SRRM3: variants seen among roughly 807,000 people sequenced by gnomAD.
SRRM3 encodes serine/arginine repetitive matrix protein 3.
In SRRM3, 27 loss-of-function variants were observed where a neutral mutation model predicts 66.2. That is an observed-to-expected ratio of 0.41 (90% CI 0.30 to 0.56). SRRM3 has a LOEUF of 0.56. Ranked by LOEUF, SRRM3 falls within the 20% of genes least tolerant of loss-of-function variation. The probability of loss-of-function intolerance (pLI) is 0.32; values close to 1 mark genes in which losing one functional copy is unlikely to be tolerated. For missense variants in SRRM3, 918 were observed against 991.9 expected, an observed-to-expected ratio of 0.93 and a Z score of 1.00; for synonymous variants, 391 against 414.9, an observed-to-expected ratio of 0.94 and a Z score of 0.70.
chr7:76,282,746 G>A lies in SRRM3; in HGVS notation c.1469G>A (p.Arg490His). The A allele has an allele frequency of 1.4e-6, 2 of 1,460,230 alleles. No individual in the cohort carries two copies. The highest frequency in any genetic ancestry group is 1.8e-6 in the Non-Finnish European group (2 of 1,111,970). The allele number at this position is 1,460,230 out of a possible 1,614,324, so 90.5% of individuals were successfully genotyped here. The change falls in exon 13 of 15, where the codon CGC (arginine) becomes CAC (histidine). Residue 490 changes from arginine (R) to histidine (H), a missense_variant. Arg to His is a conservative substitution (Grantham distance 29). Transcript: ENST00000611745. Reference protein sequence around the residue: ...RGGPEGKSSSRSPGPHPRSWS... With the variant: ...RGGPEGKSSSHSPGPHPRSWS... The stretch of plus-strand genomic sequence containing the variant: ...GGCCCAGAAGGGAAGAGCTCGTCGC[G>A]CAGCCCCGGCCCGCACCCCCGCTCC...
intron 11 of SRRM3, among the ~76,000 whole-genome samples, chr7:76,275,497 C>CAAAAAAAAAAAAAA (rs35985626): frequency 4.2e-5 from 3 of 70,894 alleles, no homozygotes; most frequent in East Asian, 3.3e-4. Flanking sequence ...CCTGCTCCCT[C>CAAAAAAAAAAAAAA]AAAAAAAAAA....
chr7:76,283,756 C>G, intron 14 of SRRM3: 1 of 984,294 alleles, frequency 1.0e-6, no homozygotes, highest in Non-Finnish European at 1.2e-6. Context: ...AGCTGTGGGG[C>G]TGTGCCCAGG....
chr7:76,285,974 G>C lies in SRRM3; in HGVS notation c.*131G>C. The C allele has an allele frequency of 2.0e-6, 2 of 991,308 alleles. No individual in the cohort carries two copies. The allele number at this position is 991,308 out of a possible 1,614,324, so 61.4% of individuals were successfully genotyped here. A position where few individuals can be genotyped will look rare whatever the true frequency, so the allele number is the denominator to read the frequency against. On this transcript the variant is annotated 3_prime_UTR_variant, in exon 15 of 15. Transcript: ENST00000611745. This position sits in a 1 kb window ranked among gnomAD's most constrained non-coding sequence, Gnocchi z 4.1. Reference sequence around the variant, plus strand: ...CAAAGAGGTCTCAGGGCCAGTGCACGGGCAGATGGGACCGGGGAAGACTTT... The same window carrying C: ...CAAAGAGGTCTCAGGGCCAGTGCACCGGCAGATGGGACCGGGGAAGACTTT...
chr7:76,219,421 C>T (rs1442853256), intron 1 of SRRM3, among the ~76,000 whole-genome samples: 1 of 152,208 alleles, frequency 6.6e-6, no homozygotes, highest in Non-Finnish European at 1.5e-5. Context: ...GCCTCCTTGT[C>T]CCTCCTTGTC....
At chr7:76,270,815 G>GAA in intron 11 of SRRM3, among the ~76,000 whole-genome samples, 1 of 135,822 alleles carries the variant, frequency 7.4e-6, no homozygotes, top group Admixed American at 7.6e-5. Context: ...CTCCGTCTCG[G>GAA]AAAAAAAAAA....
intron 1 of SRRM3, among the ~76,000 whole-genome samples, chr7:76,233,130 G>A (rs1456638855): frequency 1.3e-5 from 2 of 152,078 alleles, no homozygotes; most frequent in African/African-American, 2.4e-5. Flanking sequence ...TAACAAGAAC[G>A]TGACTCTACA....
intron 1 of SRRM3, among the ~76,000 whole-genome samples, chr7:76,210,780 A>AGTCCTTGAGCCCCAGCAGCCCT (rs1349559161): frequency 4.0e-5 from 6 of 151,866 alleles, no homozygotes; most frequent in Middle Eastern, 3.2e-3. Context: ...GGAGCAGGAC[A>AGTCCTTGAGCCCCAGCAGCCCT]GTCCTTGAGC....
chr7:76,211,235 A>G (rs1359309912), intron 1 of SRRM3, among the ~76,000 whole-genome samples: 2 of 152,178 alleles, frequency 1.3e-5, no homozygotes, highest in Non-Finnish European at 1.5e-5. Flanking sequence ...GGCCTCACAG[A>G]TGGAGCTCGT....
At chr7:76,239,018 A>G (rs1439810828) in intron 2 of SRRM3, among the ~76,000 whole-genome samples, 1 of 151,662 alleles carries the variant, frequency 6.6e-6, no homozygotes, top group African/African-American at 2.4e-5. Flanking sequence ...CTCCATCCCT[A>G]GCTAGTCTTG....
chr7:76,261,892 C>T (rs1007019246), intron 8 of SRRM3, among the ~76,000 whole-genome samples: 5 of 151,764 alleles, frequency 3.3e-5, no homozygotes, highest in Non-Finnish European at 7.4e-5. Flanking sequence ...GCAGAAACAC[C>T]GAGACCCTGA....
intron 1 of SRRM3, among the ~76,000 whole-genome samples, chr7:76,218,391 G>A (rs1250583412): frequency 1.3e-5 from 2 of 152,124 alleles, no homozygotes; most frequent in Non-Finnish European, 2.9e-5. Context: ...CTAAGCTGAA[G>A]CTGCTTCTGT....
intron 2 of SRRM3, among the ~76,000 whole-genome samples, chr7:76,241,005 G>A (rs537395695): frequency 3.5e-4 from 53 of 151,904 alleles, no homozygotes; most frequent in African/African-American, 1.2e-3. Flanking sequence ...CAAGCGATTC[G>A]TCCTGCCTCA....
chr7:76,248,606 C>T (rs775053645), intron 3 of SRRM3, among the ~76,000 whole-genome samples: 3 of 152,154 alleles, frequency 2.0e-5, no homozygotes, highest in Non-Finnish European at 4.4e-5. Context: ...ATCGGAAGAC[C>T]TCAGATATGC....
intron 11 of SRRM3, among the ~76,000 whole-genome samples, chr7:76,276,718 G>A (rs1425857590): frequency 2.0e-5 from 3 of 152,262 alleles, no homozygotes; most frequent in Non-Finnish European, 2.9e-5. Context: ...AGCTGAGGAC[G>A]AGGCTCAGAC....
At chr7:76,229,293 G>A (rs77297600) in intron 1 of SRRM3, among the ~76,000 whole-genome samples, 9,336 of 151,986 alleles carry the variant, frequency 0.061, 669 homozygotes, top group African/African-American at 0.17. Context: ...GATAAACAAC[G>A]GATAATTTCT....
chr7:76,284,191 T>A (rs1316870396), intron 14 of SRRM3, among the ~76,000 whole-genome samples: 21 of 150,330 alleles, frequency 1.4e-4, no homozygotes, highest in Non-Finnish European at 2.8e-4. Flanking sequence ...TTTTTTTTTT[T>A]AAGACGGAGC....
intron 1 of SRRM3, among the ~76,000 whole-genome samples, chr7:76,219,607 C>T (rs782610935): frequency 7.9e-5 from 12 of 152,168 alleles, no homozygotes; most frequent in Non-Finnish European, 1.5e-4. Flanking sequence ...TCCTTCCTAT[C>T]TATTCAAAGA....
At chr7:76,266,545 TTATA>T (rs1382108197) in intron 10 of SRRM3, among the ~76,000 whole-genome samples, 2 of 114,228 alleles carry the variant, frequency 1.8e-5, no homozygotes, top group African/African-American at 7.2e-5. Context: ...ATATAAATAT[TTATA>T]TATTAAATAT....
At chr7:76,203,622 C>T (rs1554600829) in intron 1 of SRRM3, among the ~76,000 whole-genome samples, 2 of 152,186 alleles carry the variant, frequency 1.3e-5, no homozygotes, top group Non-Finnish European at 2.9e-5. Context: ...TGGTTGAGAG[C>T]CTCATGCCCA....
Sources: allele counts gnomAD v4.1 joint callset (sites outside exome capture counted in the v4.1 genomes callset), GRCh38; gene constraint gnomAD v4.1.1; non-coding constraint Gnocchi (gnomAD v3.1); transcripts MANE v1.5; gene names NCBI Gene and HGNC (gene_info 2026-07-23, HGNC 2026-07-21).